SLC71A2: variants seen among roughly 807,000 people sequenced by gnomAD.
The protein encoded by SLC71A2 is solute carrier family 71 member 2, also known as hippocampus abundant transcript-like 1.
the SLC71A2 span, among the ~76,000 whole-genome samples, chr9:94,396,994 T>C: frequency 6.6e-6 from 1 of 152,170 alleles, no homozygotes; most frequent in Admixed American, 6.5e-5. Context: ...GGTTTTGAAC[T>C]CCTGACCTCA....
the SLC71A2 span, among the ~76,000 whole-genome samples, chr9:94,403,349 G>A: frequency 2.0e-5 from 3 of 151,542 alleles, no homozygotes; most frequent in East Asian, 1.9e-4. Context: ...TGTTGGCCAC[G>A]CTGGTCTCAA....
At chr9:94,399,459 A>C in the SLC71A2 span, among the ~76,000 whole-genome samples, 2 of 152,148 alleles carry the variant, frequency 1.3e-5, no homozygotes, top group African/African-American at 4.8e-5. Flanking sequence ...AAGTATTTCC[A>C]TTTGTGACCA....
the SLC71A2 span, chr9:94,456,444 A>G: frequency 9.0e-6 from 7 of 778,786 alleles, no homozygotes; most frequent in East Asian, 7.6e-5. Context: ...GCCGACAGCC[A>G]TATGGCCCCT....
At chr9:94,443,735 T>C in the SLC71A2 span, among the ~76,000 whole-genome samples, 1 of 152,330 alleles carries the variant, frequency 6.6e-6, no homozygotes, top group East Asian at 1.9e-4. Context: ...GCTGCAGCAG[T>C]GCCCCCTTAA....
the SLC71A2 span, among the ~76,000 whole-genome samples, chr9:94,415,470 T>C: frequency 1.3e-5 from 2 of 152,086 alleles, no homozygotes; most frequent in African/African-American, 2.4e-5. Context: ...TGCACTCTTA[T>C]TGAAGTAAAC....
the SLC71A2 span, among the ~76,000 whole-genome samples, chr9:94,395,982 T>C: frequency 6.6e-6 from 1 of 151,256 alleles, no homozygotes; most frequent in Non-Finnish European, 1.5e-5. Context: ...TATCTCTGAG[T>C]TCAGGATACG....
At chr9:94,441,046 G>C in the SLC71A2 span, 1 of 1,611,430 alleles carries the variant, frequency 6.2e-7, no homozygotes, top group Non-Finnish European at 8.5e-7. Flanking sequence ...TGTTATATTT[G>C]CCTATGTAGC....
the SLC71A2 span, among the ~76,000 whole-genome samples, chr9:94,457,312 CTATCTCCTAATGGCTCACCT>C: frequency 6.6e-6 from 1 of 152,116 alleles, no homozygotes; most frequent in African/African-American, 2.4e-5. Flanking sequence ...CTTTCCTTCT[CTATCTCCTAATGGCTCACCT>C]TATTGTATTC....
the SLC71A2 span, chr9:94,459,378 T>A: frequency 6.2e-7 from 1 of 1,613,902 alleles, no homozygotes; most frequent in African/African-American, 1.3e-5. Flanking sequence ...CTCTCTTCAT[T>A]TGAGGAGCCT....
At chr9:94,382,725 T>C in the SLC71A2 span, among the ~76,000 whole-genome samples, 1 of 152,052 alleles carries the variant, frequency 6.6e-6, no homozygotes, top group Non-Finnish European at 1.5e-5. Flanking sequence ...AGTGGCACAA[T>C]CTCTGCCCAC....
At chr9:94,454,619 C>T in the SLC71A2 span, among the ~76,000 whole-genome samples, 1 of 152,066 alleles carries the variant, frequency 6.6e-6, no homozygotes. Context: ...CTGCCTCGGC[C>T]TCCCAAAGTG....
At chr9:94,417,749 A>G in the SLC71A2 span, among the ~76,000 whole-genome samples, 1 of 151,646 alleles carries the variant, frequency 6.6e-6, no homozygotes, top group Non-Finnish European at 1.5e-5. Flanking sequence ...GTTTCTGTAG[A>G]TTAATGCTTT....
At chr9:94,400,443 T>C in the SLC71A2 span, among the ~76,000 whole-genome samples, 1 of 151,462 alleles carries the variant, frequency 6.6e-6, no homozygotes, top group South Asian at 2.1e-4. Flanking sequence ...CCTGTACATA[T>C]AATTTCTATG....
the SLC71A2 span, among the ~76,000 whole-genome samples, chr9:94,412,021 A>G: frequency 1.3e-5 from 2 of 152,336 alleles, no homozygotes; most frequent in African/African-American, 4.8e-5. Context: ...ATTTTCTTCC[A>G]TAGTGGTGTA....
At chr9:94,441,327 T>C in the SLC71A2 span, among the ~76,000 whole-genome samples, 2 of 152,120 alleles carry the variant, frequency 1.3e-5, no homozygotes, top group Non-Finnish European at 2.9e-5. Flanking sequence ...CTTTTACTCA[T>C]GATGATGGAA....
the SLC71A2 span, among the ~76,000 whole-genome samples, chr9:94,450,492 A>ATTTTTTTTTT: frequency 1.9e-5 from 1 of 52,504 alleles, no homozygotes; most frequent in African/African-American, 2.3e-4. Flanking sequence ...AAATAATGTA[A>ATTTTTTTTTT]CTTTTTTTTT....
chr9:94,420,255 C>T, the SLC71A2 span, among the ~76,000 whole-genome samples: 1 of 152,200 alleles, frequency 6.6e-6, no homozygotes, highest in Non-Finnish European at 1.5e-5. Context: ...ACCCACTAGT[C>T]TTCCGTGTTT....
At chr9:94,447,481 G>GTT in the SLC71A2 span, among the ~76,000 whole-genome samples, 18 of 98,354 alleles carry the variant, frequency 1.8e-4, no homozygotes, top group South Asian at 3.0e-4. Flanking sequence ...TGCCCAGCCT[G>GTT]TTTTTTTTTT....
At chr9:94,374,621 A>C in the SLC71A2 span, 1 of 153,278 alleles carries the variant, frequency 6.5e-6, no homozygotes, top group Admixed American at 6.5e-5. Context: ...CGGTTCCTGG[A>C]GCTGCGGTCT....
Sources: allele counts gnomAD v4.1 joint callset (sites outside exome capture counted in the v4.1 genomes callset), GRCh38; gene constraint gnomAD v4.1.1; transcripts MANE v1.5; gene names NCBI Gene and HGNC (gene_info 2026-07-23, HGNC 2026-07-21).